The following PRELP variants were observed in gnomAD, a reference collection of about 807,000 sequenced individuals.
The protein encoded by PRELP is prolargin.
In PRELP, 16 loss-of-function variants were observed where a neutral mutation model predicts 22.8. The observed-to-expected ratio is 0.70, with a 90% CI of 0.47 to 1.06. The LOEUF is 1.06. Among genes scored for constraint, PRELP ranks in the 50% least tolerant of loss-of-function variants. PRELP has a pLI of 0.00. For missense variants in PRELP, 434 were observed against 485.2 expected (o/e 0.89, Z 0.99); for synonymous variants, 233 against 211.4 (o/e 1.10, Z -0.89).
intron 2 of PRELP, among the ~76,000 whole-genome samples, chr1:203,485,992 T>C (rs1244734856): frequency 1.3e-5 from 2 of 152,152 alleles, no homozygotes; most frequent in African/African-American, 2.4e-5. Context: ...CTTTTGCCCA[T>C]CCTCATGTCT....
Position 203,483,416 on chromosome 1 carries a change from T to C in PRELP, c.232T>C (p.Tyr78His), listed in dbSNP as rs372688100. Residue 78 changes from tyrosine to histidine, a missense_variant, in exon 2 of 3, where the codon TAC (tyrosine) becomes CAC (histidine). Coordinates refer to ENST00000343110, the MANE Select transcript of PRELP (RefSeq NM_002725.4). This position sits in a 1 kb window ranked among gnomAD's most constrained non-coding sequence, Gnocchi z 4.4. Reference protein sequence around the residue: ...SIFPDCPRECYCPPDFPSALY... With the variant: ...SIFPDCPRECHCPPDFPSALY... ...CTTCCCTGACTGTCCCCGCGAATGC[T>C]ACTGCCCCCCTGATTTCCCATCTGC... The C allele has an allele frequency of 1.4e-5, 22 of 1,614,004 alleles. No individual in the cohort carries two copies. In the African/African-American group the frequency reaches 2.8e-4, roughly 21 times the overall value.
At chr1:203,482,282 CT>C (rs60629021) in intron 1 of PRELP, among the ~76,000 whole-genome samples, 153 of 145,518 alleles carry the variant, frequency 1.1e-3, no homozygotes, top group Non-Finnish European at 9.1e-4. Context: ...TTCTTTCTTT[CT>C]TTTTTTTTTT....
intron 1 of PRELP, among the ~76,000 whole-genome samples, chr1:203,476,282 C>G (rs1343655219): frequency 6.6e-6 from 1 of 152,182 alleles, no homozygotes; most frequent in Non-Finnish European, 1.5e-5. Context: ...TTCTTTGCAC[C>G]TTTTGTGTAT....
In PRELP at chr1:203,483,031, A is replaced by G. The variant is rs1269945263; in HGVS notation, c.-16-138A>G. Reference sequence around the variant, plus strand: ...CCTTACCTGCTGGGTACAGGCAAACAAGGAGATGCTTCCACAGCTCCCTGA... The same window carrying G: ...CCTTACCTGCTGGGTACAGGCAAACGAGGAGATGCTTCCACAGCTCCCTGA... On this transcript the variant is annotated intron_variant, in intron 1 of 2. Transcript: ENST00000343110. The surrounding 1 kb of genome is among the most constrained non-coding windows in gnomAD (Gnocchi z 4.4). 5.2e-5 allele frequency: 37 copies of G among 715,142 alleles called. No individual in the cohort carries two copies. The highest frequency in any genetic ancestry group is 8.4e-5 in the Non-Finnish European group (36 of 426,658). The allele number at this position is 715,142 out of a possible 1,614,324, so 44.3% of individuals were successfully genotyped here. A position where few individuals can be genotyped will look rare whatever the true frequency, so the allele number is the denominator to read the frequency against.
At chr1:203,482,419 C>T (rs1661016516) in intron 1 of PRELP, among the ~76,000 whole-genome samples, 1 of 150,800 alleles carries the variant, frequency 6.6e-6, no homozygotes, top group African/African-American at 2.4e-5. Flanking sequence ...GCTGAGATTA[C>T]AGGTGTCCAA....
In PRELP at chr1:203,483,362, C is replaced by A. The variant is rs746622926; in HGVS notation, c.178C>A (p.Pro60Thr). Residue 60 changes from proline (P) to threonine (T), a missense_variant, in exon 2 of 3, where the codon CCT becomes ACT. Transcript: ENST00000343110. The surrounding 1 kb of genome is among the most constrained non-coding windows in gnomAD (Gnocchi z 4.4). ...DEPAEPTDLP[P>T]PLPPGPPSIF... ...ACCAGCAGAGCCAACAGACCTGCCTCCTCCCCTCCCTCCAGGCCCTCCATC... is the reference window on the plus strand; with the variant it reads ...ACCAGCAGAGCCAACAGACCTGCCTACTCCCCTCCCTCCAGGCCCTCCATC... 6.2e-7 allele frequency: 1 copy of A among 1,613,678 alleles called. No individual in the cohort carries two copies. The highest frequency in any genetic ancestry group is 1.7e-5 in the Admixed American group (1 of 60,024).
intron 2 of PRELP, among the ~76,000 whole-genome samples, chr1:203,484,855 G>A (rs1661066497): frequency 6.6e-6 from 1 of 152,202 alleles, no homozygotes; most frequent in Admixed American, 6.5e-5. Flanking sequence ...GGAAGTTGCA[G>A]TTTTGCTTCA....
chr1:203,483,576 T>C lies in PRELP; in HGVS notation c.392T>C (p.Ile131Thr), dbSNP rs759752783. The C allele has an allele frequency of 1.9e-6, 3 of 1,614,176 alleles. No individual in the cohort carries two copies. The highest frequency in any genetic ancestry group is 2.5e-6 in the Non-Finnish European group (3 of 1,180,032). The stretch of plus-strand genomic sequence containing the variant: ...CAGAATGCCACAGGCCTGCGATGGA[T>C]TAACCTGGACAACAACCGAATCCGC... ...SFQNATGLRW[I>T]NLDNNRIRKI... is the part of the protein sequence containing the mutation. Residue 131 changes from isoleucine (I) to threonine (T), a missense_variant, in exon 2 of 3, where the codon ATT (isoleucine) becomes ACT (threonine). Transcript: ENST00000343110. This position sits in a 1 kb window ranked among gnomAD's most constrained non-coding sequence, Gnocchi z 4.4.
At chr1:203,477,680 C>A (rs1281464556) in intron 1 of PRELP, among the ~76,000 whole-genome samples, 1 of 152,040 alleles carries the variant, frequency 6.6e-6, no homozygotes, top group Admixed American at 6.5e-5. Flanking sequence ...GTGGGCAATC[C>A]CATTTATTGG....
intron 1 of PRELP, among the ~76,000 whole-genome samples, chr1:203,477,382 G>A (rs1391706751): frequency 1.3e-5 from 2 of 152,118 alleles, no homozygotes; most frequent in Admixed American, 1.3e-4. Flanking sequence ...CTTTTTTGGG[G>A]AGTGGGAGTA....
chr1:203,486,775 A>ACTGCCC lies in PRELP; in HGVS notation c.1044_1045insTGCCCC (p.Asn348_Val349insCysPro). The ACTGCCC allele has an allele frequency of 6.2e-7, 1 of 1,614,090 alleles. No homozygotes were observed. The highest frequency in any genetic ancestry group is 1.1e-5 in the South Asian group (1 of 91,076). On this transcript the variant is annotated inframe_insertion, in exon 3 of 3. Coordinates refer to ENST00000343110, the MANE Select transcript of PRELP (RefSeq NM_002725.4). ...CATGACTTCTCCTCGGACCTGGAGA[A>ACTGCCC]CGTGCCACACCTGCGCTACCTGCGG... is the stretch of plus-strand genomic sequence containing the variant.
rs1382950466 is a variant in PRELP at position 203,483,351 on chromosome 1, C to A, written c.167C>A (p.Thr56Lys). ...CAGCCTGATGAACCAGCAGAGCCAA[C>A]AGACCTGCCTCCTCCCCTCCCTCCA... ...FPQPDEPAEP[T>K]DLPPPLPPGP... is the part of the protein sequence containing the mutation. The change falls in exon 2 of 3, where the codon ACA (threonine) becomes AAA (lysine). Residue 56 changes from threonine to lysine, a missense_variant. Thr to Lys is a moderately conservative substitution (Grantham distance 78). Coordinates refer to ENST00000343110, the MANE Select transcript of PRELP (RefSeq NM_002725.4). The surrounding 1 kb of genome is among the most constrained non-coding windows in gnomAD (Gnocchi z 4.4). The A allele has an allele frequency of 1.6e-5, 26 of 1,614,142 alleles. No homozygotes were observed. The highest frequency in any genetic ancestry group is 2.2e-5 in the Non-Finnish European group (26 of 1,180,008).
rs967953544 is a variant in PRELP, at chr1:203,488,014, A to C, written c.*1133A>C. ...TTCCTGGGGTGATTTTCCTCGGTGG[A>C]GGAGGCCCGTGGGGTCCCAACACGG... On this transcript the variant is annotated 3_prime_UTR_variant, in exon 3 of 3. Transcript: ENST00000343110. 1 of 152,146 alleles carries C rather than the reference A, an allele frequency of 6.6e-6. No homozygotes were observed. The highest frequency in any genetic ancestry group is 1.5e-5 in the Non-Finnish European group (1 of 68,072). The allele number at this position is 152,146 out of a possible 1,614,324, so 9.4% of individuals were successfully genotyped here.
intron 1 of PRELP, among the ~76,000 whole-genome samples, chr1:203,477,313 C>T (rs181262285): frequency 2.9e-4 from 44 of 152,292 alleles, no homozygotes; most frequent in Non-Finnish European, 6.2e-4. Flanking sequence ...GCAGTGTTAG[C>T]TGGGCAGAAG....
chr1:203,484,276 A>G, intron 2 of PRELP, 119 bp downstream of exon 2: 1 of 1,415,360 alleles, frequency 7.1e-7, no homozygotes, highest in South Asian at 1.5e-5. Flanking sequence ...TTGGCACTGG[A>G]CTTCAATTCA....
In PRELP at chr1:203,483,986, C is replaced by T. The variant is rs541018047; in HGVS notation, c.802C>T (p.Leu268Phe). 3 of 1,614,266 alleles carry T rather than the reference C, an allele frequency of 1.9e-6. No individual in the cohort carries two copies. In the African/African-American group the frequency reaches 4.0e-5, roughly 22 times the overall value. ...CGGATACTTCAAGAGCTTTCCCAAT[C>T]TTGCCTTCATTCGGCTTAACTACAA... ...PNGYFKSFPN[L>F]AFIRLNYNKL... Residue 268 changes from leucine (L) to phenylalanine (F), a missense_variant, in exon 2 of 3, where the codon CTT (leucine) becomes TTT (phenylalanine). Coordinates refer to ENST00000343110, the MANE Select transcript of PRELP (RefSeq NM_002725.4). The surrounding 1 kb of genome is among the most constrained non-coding windows in gnomAD (Gnocchi z 4.4).
In PRELP at chr1:203,490,396, C is replaced by G. The variant is rs957005221; in HGVS notation, c.*3515C>G. 3.9e-5 allele frequency: 6 copies of G among 152,198 alleles called. No homozygotes were observed. Among genetic ancestry groups the G allele is most frequent in the African/African-American group, 1.4e-4 (6 of 41,442 alleles). The allele number at this position is 152,198 out of a possible 1,614,324, so 9.4% of individuals were successfully genotyped here. A position where few individuals can be genotyped will look rare whatever the true frequency, so the allele number is the denominator to read the frequency against. On this transcript the variant is annotated 3_prime_UTR_variant, in exon 3 of 3. Transcript: ENST00000343110. ...TCCTAAAGTCGGACCAGAAATCTGA[C>G]AGCTGCCTTTGAAACCCAAAGCCTC...
chr1:203,486,739 T>C lies in PRELP; in HGVS notation c.1007T>C (p.Leu336Pro). 1 of 1,614,074 alleles carries C rather than the reference T, an allele frequency of 6.2e-7. No individual in the cohort carries two copies. The highest frequency in any genetic ancestry group is 8.5e-7 in the Non-Finnish European group (1 of 1,179,914). ...INGTQICPND[L>P]VAFHDFSSDL... Reference sequence around the variant, plus strand: ...GGAACCCAGATTTGCCCCAACGACCTAGTGGCGTTCCATGACTTCTCCTCG... The same window carrying C: ...GGAACCCAGATTTGCCCCAACGACCCAGTGGCGTTCCATGACTTCTCCTCG... Residue 336 changes from leucine (L) to proline (P), a missense_variant, in exon 3 of 3, where the codon CTA (leucine) becomes CCA (proline). Transcript: ENST00000343110.
Position 203,486,720 on chromosome 1 carries a change from C to T in PRELP, c.988C>T (p.Gln330Ter). The T allele has an allele frequency of 5.0e-6, 8 of 1,610,790 alleles. No individual in the cohort carries two copies. The highest frequency in any genetic ancestry group is 6.8e-6 in the Non-Finnish European group (8 of 1,177,162). Residue 330 changes from glutamine (Q) to a stop codon, truncating the protein, a stop_gained, in exon 3 of 3, where the codon CAG becomes TAG. Transcript: ENST00000343110. LOFTEE classifies it high-confidence loss of function. The part of the protein sequence containing the change: ...NNSIEKINGT[Q>*]ICPNDLVAFH... Reference sequence around the variant, plus strand: ...TTTTTCCGTAGAAATCAACGGAACCCAGATTTGCCCCAACGACCTAGTGGC... The same window carrying T: ...TTTTTCCGTAGAAATCAACGGAACCTAGATTTGCCCCAACGACCTAGTGGC...
Sources: gnomAD v4.1 joint callset for allele counts (sites outside exome capture counted in the v4.1 genomes callset) on GRCh38, gnomAD v4.1.1 for gene constraint, Gnocchi (gnomAD v3.1) non-coding constraint, MANE v1.5 for transcripts, NCBI Gene and HGNC (gene_info 2026-07-23, HGNC 2026-07-21) for gene names.